The following SPATS2L variants were observed in gnomAD, a reference collection of about 807,000 sequenced individuals.
SPATS2L encodes spermatogenesis associated serine rich 2 like.
Under a neutral mutation model 59.6 loss-of-function variants are expected in SPATS2L, and 30 were observed. The ratio of observed to expected loss-of-function variants is 0.50; its 90% CI spans 0.38 to 0.68. The LOEUF (loss-of-function observed/expected upper bound fraction) is 0.68, where lower values mean the gene tolerates loss of function less well. Among genes scored for constraint, SPATS2L ranks in the 30% least tolerant of loss-of-function variants. SPATS2L has a pLI of 0.00. For missense variants in SPATS2L, 615 were observed against 700.0 expected (o/e 0.88, Z 1.37); for synonymous variants, 252 against 263.5 (o/e 0.96, Z 0.42).
chr2:200,370,548 C>T (rs1328852790), intron 2 of SPATS2L, among the ~76,000 whole-genome samples: 1 of 152,088 alleles, frequency 6.6e-6, no homozygotes, highest in East Asian at 1.9e-4. Context: ...CTCTCTTTAT[C>T]AGTGACATGA....
At chr2:200,462,740 A>G (rs537446427) in intron 9 of SPATS2L, among the ~76,000 whole-genome samples, 7 of 152,172 alleles carry the variant, frequency 4.6e-5, no homozygotes, top group Non-Finnish European at 8.8e-5. Flanking sequence ...CAACATAGTA[A>G]GACCCCATCT....
chr2:200,350,417 A>ACAGAT (rs1359533863), intron 2 of SPATS2L, among the ~76,000 whole-genome samples: 3 of 152,312 alleles, frequency 2.0e-5, no homozygotes, highest in Non-Finnish European at 4.4e-5. Context: ...TTGGAAGAAA[A>ACAGAT]CAGATCAGCA....
intron 1 of SPATS2L, among the ~76,000 whole-genome samples, chr2:200,310,568 A>G (rs1407614610): frequency 1.3e-5 from 2 of 152,234 alleles, no homozygotes; most frequent in South Asian, 4.1e-4. Context: ...AAACTCTTCA[A>G]GGATTGTTTC....
At chr2:200,306,356 G>A (rs2079010333), upstream of SPATS2L, 3 of 1,002,218 alleles carry the variant, frequency 3.0e-6, no homozygotes, top group Admixed American at 1.8e-4. Flanking sequence ...TTAACAAGGG[G>A]AGTTTCGGTG....
chr2:200,393,899 T>A (rs1450823858), intron 3 of SPATS2L, among the ~76,000 whole-genome samples: 1 of 152,184 alleles, frequency 6.6e-6, no homozygotes, highest in Non-Finnish European at 1.5e-5. Flanking sequence ...AATTACTTCA[T>A]AAGAAGTGTT....
intron 8 of SPATS2L, among the ~76,000 whole-genome samples, chr2:200,447,481 T>C (rs2085126287): frequency 6.6e-6 from 1 of 152,198 alleles, no homozygotes; most frequent in South Asian, 2.1e-4. Context: ...CTTTAACAGG[T>C]AAGCATAGGA....
At chr2:200,348,480 C>A (rs2080595718) in intron 2 of SPATS2L, among the ~76,000 whole-genome samples, 1 of 152,184 alleles carries the variant, frequency 6.6e-6, no homozygotes, top group East Asian at 1.9e-4. Context: ...CTTGTCAATT[C>A]CTTTAAAGCC....
intron 3 of SPATS2L, chr2:200,390,293 C>T (rs911770760): frequency 7.2e-5 from 11 of 152,208 alleles, no homozygotes; most frequent in African/African-American, 2.7e-4. Context: ...GGGGTATGGC[C>T]CTGAACATGT....
intron 9 of SPATS2L, among the ~76,000 whole-genome samples, chr2:200,464,696 T>C (rs1334312079): frequency 6.6e-6 from 1 of 152,096 alleles, no homozygotes; most frequent in Admixed American, 6.5e-5. Context: ...TCCAGGCAGG[T>C]CTTGAACTCC....
chr2:200,392,286 A>G (rs757869507), intron 3 of SPATS2L, among the ~76,000 whole-genome samples: 7 of 152,162 alleles, frequency 4.6e-5, no homozygotes, highest in East Asian at 1.9e-4. Context: ...CCAGTGGCCA[A>G]TGATGTAAGC....
intron 2 of SPATS2L, among the ~76,000 whole-genome samples, chr2:200,344,789 G>A (rs994491049): frequency 6.6e-6 from 1 of 152,150 alleles, no homozygotes; most frequent in African/African-American, 2.4e-5. Context: ...GTATCTCATT[G>A]TGGTTTTGAT....
At chr2:200,437,485 A>C (rs2084379729) in intron 6 of SPATS2L, among the ~76,000 whole-genome samples, 1 of 152,188 alleles carries the variant, frequency 6.6e-6, no homozygotes, top group Non-Finnish European at 1.5e-5. Context: ...TTGCATGTGT[A>C]ATAAGTACCA....
chr2:200,465,319 A>C (rs1444352623), intron 9 of SPATS2L, among the ~76,000 whole-genome samples: 2 of 152,266 alleles, frequency 1.3e-5, no homozygotes, highest in African/African-American at 2.4e-5. Flanking sequence ...GAGATGCCAG[A>C]GAGCCAGCTT....
intron 8 of SPATS2L, among the ~76,000 whole-genome samples, chr2:200,447,826 T>C (rs986911703): frequency 5.9e-5 from 9 of 152,352 alleles, no homozygotes; most frequent in East Asian, 3.9e-4. Flanking sequence ...AGCATTGTTA[T>C]ATAATAATTT....
intron 6 of SPATS2L, among the ~76,000 whole-genome samples, chr2:200,421,362 A>G (rs915670720): frequency 6.6e-6 from 1 of 152,228 alleles, no homozygotes; most frequent in Non-Finnish European, 1.5e-5. Flanking sequence ...CACCTGCTAT[A>G]TATGACACAC....
At chr2:200,388,288 G>C (rs552359744) in intron 2 of SPATS2L, among the ~76,000 whole-genome samples, 1 of 152,214 alleles carries the variant, frequency 6.6e-6, no homozygotes, top group African/African-American at 2.4e-5. Context: ...AAAGACTGCA[G>C]AGGACAGGTG....
rs755663120 is a variant in SPATS2L at position 200,439,257 on chromosome 2, C to A, written c.581C>A (p.Thr194Lys). 3.7e-6 allele frequency: 6 copies of A among 1,613,736 alleles called. No individual in the cohort carries two copies. The highest frequency in any genetic ancestry group is 5.1e-6 in the Non-Finnish European group (6 of 1,179,718). Residue 194 changes from threonine to lysine, a missense_variant, in exon 7 of 13, where the codon ACA (threonine) becomes AAA (lysine). Coordinates refer to ENST00000409140, the MANE Select transcript of SPATS2L (RefSeq NM_001100423.2). Reference sequence around the variant, plus strand: ...AACCCAAGCAAGCCTAAGGCAAAAACATCTCCTGTTAAGTCCAATACCCCT... The same window carrying A: ...AACCCAAGCAAGCCTAAGGCAAAAAAATCTCCTGTTAAGTCCAATACCCCT... The part of the protein sequence containing the change: ...PCNPSKPKAK[T>K]SPVKSNTPAA...
At chr2:200,312,164 A>G (rs2079212672) in intron 1 of SPATS2L, among the ~76,000 whole-genome samples, 1 of 152,216 alleles carries the variant, frequency 6.6e-6, no homozygotes, top group Admixed American at 6.5e-5. Flanking sequence ...TGGAAGCAGT[A>G]TAACCAGTGT....
intron 11 of SPATS2L, 22 bp from the exon 12 acceptor site, chr2:200,472,810 A>G (rs747277211): frequency 6.2e-7 from 1 of 1,604,228 alleles, no homozygotes; most frequent in Admixed American, 1.7e-5. Context: ...AGCTCGTAAC[A>G]CTGAGCACTT....
Sources: gnomAD v4.1 joint callset for allele counts (sites outside exome capture counted in the v4.1 genomes callset) on GRCh38, gnomAD v4.1.1 for gene constraint, MANE v1.5 for transcripts, NCBI Gene and HGNC (gene_info 2026-07-23, HGNC 2026-07-21) for gene names.